The following TMTC2 variants were observed in gnomAD, a reference collection of about 807,000 sequenced individuals.
The protein encoded by TMTC2 is transmembrane O-mannosyltransferase targeting cadherins 2.
TMTC2 carries 43 observed loss-of-function variants against 82.4 expected under a neutral mutation model. The ratio of observed to expected loss-of-function variants is 0.52; its 90% CI spans 0.41 to 0.67. TMTC2 has a LOEUF of 0.67. TMTC2 is among the 30% of genes least tolerant of loss of function. The pLI is 0.00. For synonymous variants in TMTC2, 408 were observed against 381.9 expected (o/e 1.07, Z -0.80); for missense variants, 919 against 1,012.4 (o/e 0.91, Z 1.25).
intron 9 of TMTC2, among the ~76,000 whole-genome samples, chr12:83,041,183 T>A (rs1881882148): frequency 6.6e-6 from 1 of 152,202 alleles, no homozygotes; most frequent in Non-Finnish European, 1.5e-5. Context: ...TTCTTTTCAA[T>A]CTGTCTTTGT....
intron 9 of TMTC2, among the ~76,000 whole-genome samples, chr12:83,039,685 T>A (rs998212791): frequency 1.3e-5 from 2 of 152,098 alleles, no homozygotes; most frequent in Admixed American, 6.5e-5. Context: ...GATAAATTCT[T>A]TACAGGGCCA....
intron 11 of TMTC2, among the ~76,000 whole-genome samples, chr12:83,089,485 A>G (rs1489230988): frequency 1.3e-5 from 2 of 152,162 alleles, no homozygotes; most frequent in African/African-American, 4.8e-5. Context: ...GGTGTTAACT[A>G]ATTCACACAC....
At chr12:83,086,756 C>A (rs1883674042) in intron 11 of TMTC2, among the ~76,000 whole-genome samples, 1 of 152,010 alleles carries the variant, frequency 6.6e-6, no homozygotes, top group Non-Finnish European at 1.5e-5. Flanking sequence ...TTTAAGAAAA[C>A]AATATACATA....
chr12:82,981,758 T>C (rs555322190), intron 7 of TMTC2, among the ~76,000 whole-genome samples: 7 of 151,972 alleles, frequency 4.6e-5, no homozygotes, highest in Admixed American at 2.6e-4. Context: ...TCCTTCCTTA[T>C]TGAATTTATT....
chr12:82,886,292 G>T (rs1027355965), intron 2 of TMTC2, among the ~76,000 whole-genome samples: 5 of 152,158 alleles, frequency 3.3e-5, no homozygotes, highest in Non-Finnish European at 5.9e-5. Context: ...TATCCAAGGA[G>T]CCCTGATACA....
intron 1 of TMTC2, among the ~76,000 whole-genome samples, chr12:82,820,471 T>C (rs1869028340): frequency 6.6e-6 from 1 of 151,330 alleles, no homozygotes; most frequent in Non-Finnish European, 1.5e-5. Context: ...ACCTCCTGGG[T>C]TCAAGCGATT....
intron 11 of TMTC2, among the ~76,000 whole-genome samples, chr12:83,087,389 G>A (rs1883699493): frequency 6.6e-6 from 1 of 152,150 alleles, no homozygotes; most frequent in South Asian, 2.1e-4. Context: ...TCTTGTTAAG[G>A]TTGATATTTT....
intron 1 of TMTC2, among the ~76,000 whole-genome samples, chr12:82,790,197 G>A (rs534994925): frequency 3.3e-4 from 50 of 150,338 alleles, no homozygotes; most frequent in African/African-American, 1.2e-3. Flanking sequence ...AAAAAAAGAT[G>A]GGTAAACTGT....
At chr12:82,886,642 T>C (rs1300230222) in intron 2 of TMTC2, among the ~76,000 whole-genome samples, 1 of 152,236 alleles carries the variant, frequency 6.6e-6, no homozygotes, top group Non-Finnish European at 1.5e-5. Context: ...TTTTTTGCGA[T>C]ACCAAACATT....
At chr12:82,789,021 A>G (rs960240780) in intron 1 of TMTC2, among the ~76,000 whole-genome samples, 2 of 152,150 alleles carry the variant, frequency 1.3e-5, no homozygotes, top group African/African-American at 4.8e-5. Flanking sequence ...AATAAAAGAA[A>G]GGAAAACCTG....
intron 1 of TMTC2, among the ~76,000 whole-genome samples, chr12:82,801,927 A>T (rs934841841): frequency 1.6e-4 from 24 of 152,232 alleles, no homozygotes; most frequent in African/African-American, 5.5e-4. Context: ...AGCTAGACAT[A>T]AAGATTCTCT....
At position 82,905,408 on chromosome 12, in the gene TMTC2, A is replaced by G. The variant is rs557991171; in HGVS notation, c.1483+8762A>G. ...CAATTTGATTTAAAAAAATATGACTATGGTGGTTAATTGTTTGAAAGCAAT... is the reference window on the plus strand; with the variant it reads ...CAATTTGATTTAAAAAAATATGACTGTGGTGGTTAATTGTTTGAAAGCAAT... On this transcript the variant is annotated intron_variant, in intron 3 of 11. Coordinates refer to ENST00000321196, the MANE Select transcript of TMTC2 (RefSeq NM_152588.3). 3.9e-5 allele frequency among the ~76,000 whole-genome samples: 6 copies of G among 152,368 alleles called. No homozygotes were observed. In the South Asian group the frequency reaches 1.2e-3, roughly 32 times the overall value.
At chr12:82,745,107 C>T (rs1014052817) in intron 1 of TMTC2, among the ~76,000 whole-genome samples, 2 of 151,914 alleles carry the variant, frequency 1.3e-5, no homozygotes, top group Non-Finnish European at 2.9e-5. Flanking sequence ...GAATAAGGCA[C>T]GAGTTAGCAT....
intron 2 of TMTC2, among the ~76,000 whole-genome samples, chr12:82,868,133 G>A (rs1033871077): frequency 3.9e-5 from 6 of 152,212 alleles, no homozygotes; most frequent in East Asian, 3.9e-4. Flanking sequence ...CTTTTGCCAC[G>A]TCCCTGTCTT....
chr12:83,066,705 T>A (rs1015708547), intron 11 of TMTC2, among the ~76,000 whole-genome samples: 7 of 151,848 alleles, frequency 4.6e-5, no homozygotes, highest in Non-Finnish European at 8.8e-5. Flanking sequence ...AAAGATAAAT[T>A]AAGCAATAGA....
chr12:83,120,647 CA>C (rs1262453635), intron 11 of TMTC2, among the ~76,000 whole-genome samples: 1 of 152,138 alleles, frequency 6.6e-6, no homozygotes, highest in Non-Finnish European at 1.5e-5. Context: ...GATCTGTTTG[CA>C]ATGTATTTCC....
intron 1 of TMTC2, among the ~76,000 whole-genome samples, chr12:82,774,162 T>G (rs12369671): frequency 0.15 from 23,141 of 152,128 alleles, 2,058 homozygotes; most frequent in African/African-American, 0.24. Flanking sequence ...TATACATATG[T>G]ATACATATAC....
chr12:83,089,393 A>G lies in TMTC2; in HGVS notation c.2331+27562A>G, dbSNP rs55894521. Reference sequence around the variant, plus strand: ...TCAAGAAAACTGAACGGCACATAGTAAACACTCAATAAATGTCACTATAAT... The same window carrying G: ...TCAAGAAAACTGAACGGCACATAGTGAACACTCAATAAATGTCACTATAAT... On this transcript the variant is annotated intron_variant, in intron 11 of 11. Coordinates refer to ENST00000321196, the MANE Select transcript of TMTC2 (RefSeq NM_152588.3). Among the ~76,000 whole-genome samples, 1,214 of 152,350 alleles carry G rather than the reference A, an allele frequency of 8.0e-3. 21 individuals carry two copies. Among genetic ancestry groups the G allele is most frequent in the African/African-American group, 0.028 (1,165 of 41,584 alleles).
chr12:82,980,544 G>A (rs1878870889), intron 7 of TMTC2, among the ~76,000 whole-genome samples: 1 of 151,690 alleles, frequency 6.6e-6, no homozygotes, highest in Admixed American at 6.6e-5. Context: ...GTGTATTAGG[G>A]GCTGGAAGCC....
Sources: allele counts gnomAD v4.1 joint callset (sites outside exome capture counted in the v4.1 genomes callset), GRCh38; gene constraint gnomAD v4.1.1; transcripts MANE v1.5; gene names NCBI Gene and HGNC (gene_info 2026-07-23, HGNC 2026-07-21).